PTPRM: variants seen among roughly 807,000 people sequenced by gnomAD.
PTPRM encodes protein tyrosine phosphatase receptor type M, also known as receptor-type tyrosine-protein phosphatase mu.
Under a neutral mutation model 186.7 loss-of-function variants are expected in PTPRM, and 47 were observed. That is an observed-to-expected ratio of 0.25 (90% CI 0.20 to 0.32). The LOEUF is 0.32. Ranked by LOEUF, PTPRM falls within the 10% of genes least tolerant of loss-of-function variation. PTPRM has a pLI of 1.00. For synonymous variants in PTPRM, 668 were observed against 674.9 expected, an observed-to-expected ratio of 0.99 and a Z score of 0.16; for missense variants, 1,494 against 1,865.0, an observed-to-expected ratio of 0.80 and a Z score of 3.66.
At chr18:8,200,885 T>C (rs1382464119) in intron 14 of PTPRM, among the ~76,000 whole-genome samples, 1 of 152,176 alleles carries the variant, frequency 6.6e-6, no homozygotes, top group Non-Finnish European at 1.5e-5. Flanking sequence ...CATATATTCC[T>C]TTACATAACT....
intron 7 of PTPRM, among the ~76,000 whole-genome samples, chr18:8,007,532 G>A (rs76087235): frequency 0.11 from 16,002 of 152,168 alleles, 910 homozygotes; most frequent in African/African-American, 0.12. Context: ...TTAAAGCACA[G>A]CAAAATCAAG....
At chr18:7,900,718 C>T (rs1279933987) in intron 3 of PTPRM, among the ~76,000 whole-genome samples, 1 of 152,174 alleles carries the variant, frequency 6.6e-6, no homozygotes, top group African/African-American at 2.4e-5. Flanking sequence ...AGAAAAATTA[C>T]TTAACCTTTC....
intron 2 of PTPRM, among the ~76,000 whole-genome samples, chr18:7,884,953 G>GAAAAAAAAAAAAAAAAA (rs2048708561): frequency 4.5e-5 from 5 of 110,514 alleles, no homozygotes; most frequent in Non-Finnish European, 9.8e-5. Flanking sequence ...AAAAAAAAAG[G>GAAAAAAAAAAAAAAAAA]AGAGAGAGAA....
intron 3 of PTPRM, among the ~76,000 whole-genome samples, chr18:7,898,361 C>G (rs1007069298): frequency 1.3e-5 from 2 of 152,166 alleles, no homozygotes; most frequent in East Asian, 3.9e-4. Context: ...TGTTGGTAAG[C>G]AAATCCCTTT....
At chr18:7,928,685 T>G (rs974885085) in intron 5 of PTPRM, among the ~76,000 whole-genome samples, 4 of 152,146 alleles carry the variant, frequency 2.6e-5, no homozygotes, top group African/African-American at 9.7e-5. Context: ...CTATATTAAG[T>G]CTAGAGAATA....
At chr18:7,945,297 C>CAAA (rs149613547) in intron 5 of PTPRM, among the ~76,000 whole-genome samples, 3 of 135,852 alleles carry the variant, frequency 2.2e-5, no homozygotes, top group East Asian at 4.4e-4. Flanking sequence ...ACTAAAAATA[C>CAAA]AAAAAAAAAA....
chr18:7,569,569 A>G (rs2036520955), intron 1 of PTPRM, among the ~76,000 whole-genome samples: 1 of 152,218 alleles, frequency 6.6e-6, no homozygotes, highest in African/African-American at 2.4e-5. Context: ...CTTTATTAAC[A>G]TCCATGACTC....
intron 14 of PTPRM, among the ~76,000 whole-genome samples, chr18:8,195,916 A>G (rs547316698): frequency 1.2e-4 from 19 of 152,326 alleles, no homozygotes; most frequent in South Asian, 4.1e-4. Flanking sequence ...AAAAAAATCA[A>G]TCCTCACATC....
chr18:7,962,256 G>A (rs1599741147), intron 7 of PTPRM, among the ~76,000 whole-genome samples: 1 of 152,102 alleles, frequency 6.6e-6, no homozygotes, highest in South Asian at 2.1e-4. Flanking sequence ...ATATATTTGG[G>A]GGTATTGGAG....
chr18:8,040,572 A>G (rs1346265755), intron 7 of PTPRM, among the ~76,000 whole-genome samples: 1 of 152,232 alleles, frequency 6.6e-6, no homozygotes, highest in Non-Finnish European at 1.5e-5. Context: ...AAGGTTCAGT[A>G]AAAAACTACA....
intron 30 of PTPRM, among the ~76,000 whole-genome samples, chr18:8,386,778 A>G (rs1212533598): frequency 6.6e-6 from 1 of 152,178 alleles, no homozygotes; most frequent in African/African-American, 2.4e-5. Context: ...TAACATGACA[A>G]TGTGGTCAGT....
chr18:8,079,816 A>G (rs992150492), intron 9 of PTPRM, among the ~76,000 whole-genome samples: 1 of 152,170 alleles, frequency 6.6e-6, no homozygotes, highest in Non-Finnish European at 1.5e-5. Flanking sequence ...GAATGATGAA[A>G]GATACCATGA....
At chr18:7,868,799 GC>G (rs1303742345) in intron 2 of PTPRM, among the ~76,000 whole-genome samples, 1 of 152,200 alleles carries the variant, frequency 6.6e-6, no homozygotes, top group African/African-American at 2.4e-5. Flanking sequence ...TGCGCCCACA[GC>G]CACCCCTTCC....
chr18:8,040,786 T>G (rs2086643618), intron 7 of PTPRM, among the ~76,000 whole-genome samples: 2 of 152,218 alleles, frequency 1.3e-5, no homozygotes, highest in African/African-American at 4.8e-5. Context: ...TGTTGTTCAT[T>G]TATCAGTTTC....
chr18:8,358,249 G>GCACACACACACACACA (rs144869213), intron 23 of PTPRM, among the ~76,000 whole-genome samples: 6 of 147,550 alleles, frequency 4.1e-5, no homozygotes, highest in South Asian at 2.2e-4. Flanking sequence ...CACATGACAC[G>GCACACACACACACACA]CACACACACA....
At chr18:7,848,132 C>T (rs1212299066) in intron 2 of PTPRM, among the ~76,000 whole-genome samples, 3 of 152,198 alleles carry the variant, frequency 2.0e-5, no homozygotes, top group Non-Finnish European at 4.4e-5. Context: ...TTGGTCTCCC[C>T]CTTCACTGTC....
intron 11 of PTPRM, among the ~76,000 whole-genome samples, chr18:8,100,929 T>A (rs543551659): frequency 1.3e-5 from 2 of 152,384 alleles, no homozygotes; most frequent in South Asian, 4.1e-4. Flanking sequence ...TTATCACCTA[T>A]ATAGGAACTA....
chr18:7,810,420 A>G (rs1405342276), intron 2 of PTPRM, among the ~76,000 whole-genome samples: 2 of 152,218 alleles, frequency 1.3e-5, no homozygotes, highest in African/African-American at 4.8e-5. Flanking sequence ...TGAAGTACAT[A>G]GTTTTCCTTA....
chr18:7,871,532 C>A (rs2047985363), intron 2 of PTPRM, among the ~76,000 whole-genome samples: 1 of 152,182 alleles, frequency 6.6e-6, no homozygotes, highest in South Asian at 2.1e-4. Context: ...ATGTCTTTTT[C>A]ATGCCCAATG....
Sources: gnomAD v4.1 joint callset for allele counts (sites outside exome capture counted in the v4.1 genomes callset) on GRCh38, gnomAD v4.1.1 for gene constraint, MANE v1.5 for transcripts, NCBI Gene and HGNC (gene_info 2026-07-23, HGNC 2026-07-21) for gene names.